Variants in RIMS1 observed in about 807,000 individuals in gnomAD.
RIMS1 encodes the protein regulating synaptic membrane exocytosis protein 1.
In RIMS1, 83 loss-of-function variants were observed where a neutral mutation model predicts 214.1. The ratio of observed to expected loss-of-function variants is 0.39; its 90% CI spans 0.32 to 0.47. RIMS1 has a LOEUF of 0.47. RIMS1 is among the 20% of genes least tolerant of loss of function. RIMS1 has a pLI of 0.99. For missense variants in RIMS1, 2,050 were observed against 2,161.8 expected (o/e 0.95, Z 1.03); for synonymous variants, 793 against 786.8 (o/e 1.01, Z -0.13).
At chr6:72,030,673 T>C (rs1472792977) in intron 2 of RIMS1, among the ~76,000 whole-genome samples, 1 of 152,160 alleles carries the variant, frequency 6.6e-6, no homozygotes, top group Non-Finnish European at 1.5e-5. Flanking sequence ...TATATTCACT[T>C]TTCTAAAATT....
intron 4 of RIMS1, among the ~76,000 whole-genome samples, chr6:72,104,620 C>G (rs1226081096): frequency 1.3e-5 from 2 of 152,092 alleles, no homozygotes; most frequent in Non-Finnish European, 2.9e-5. Context: ...TTGGCCGTAC[C>G]TACCAAGAAT....
At chr6:71,954,884 C>T (rs985014092) in intron 1 of RIMS1, among the ~76,000 whole-genome samples, 2 of 151,608 alleles carry the variant, frequency 1.3e-5, no homozygotes, top group Non-Finnish European at 2.9e-5. Context: ...CACACACACA[C>T]ACACACACAC....
chr6:71,962,132 G>A (rs764502263), intron 1 of RIMS1, among the ~76,000 whole-genome samples: 2 of 152,074 alleles, frequency 1.3e-5, no homozygotes, highest in Non-Finnish European at 2.9e-5. Flanking sequence ...AGATCTAAAG[G>A]ATGATAAATG....
At chr6:72,231,642 A>G (rs2062011370) in intron 6 of RIMS1, among the ~76,000 whole-genome samples, 1 of 151,680 alleles carries the variant, frequency 6.6e-6, no homozygotes, top group South Asian at 2.1e-4. Flanking sequence ...AAGCAATTAA[A>G]TTAGATTCTT....
chr6:72,244,969 C>T (rs1040839627), intron 10 of RIMS1, among the ~76,000 whole-genome samples: 3 of 151,770 alleles, frequency 2.0e-5, no homozygotes, highest in Non-Finnish European at 4.4e-5. Context: ...TTAATATTTG[C>T]ATATTGTTAA....
Position 72,162,571 on chromosome 6 carries a change from A to G in RIMS1, c.472-17004A>G, listed in dbSNP as rs1375043192. 1.1e-4 allele frequency among the ~76,000 whole-genome samples: 16 copies of G among 140,642 alleles called. 1 individual carries two copies. The highest frequency in any genetic ancestry group is 3.0e-4 in the African/African-American group (12 of 40,656). 92.3% of individuals were successfully genotyped at this position (140,642 alleles called of 152,430 possible). On this transcript the variant is annotated intron_variant, in intron 4 of 33. Transcript: ENST00000521978. ...TAGTGCTTCCTTCAGGAGCTCTTGT[A>G]AGGCAGGCCTGGTGGTGACAAAATC... is the stretch of plus-strand genomic sequence containing the variant.
chr6:72,338,123 G>A (rs1415399900), intron 29 of RIMS1, among the ~76,000 whole-genome samples: 2 of 151,646 alleles, frequency 1.3e-5, no homozygotes, highest in African/African-American at 4.8e-5. Context: ...GGATGGCTGG[G>A]TCAAATGGTA....
intron 22 of RIMS1, among the ~76,000 whole-genome samples, chr6:72,271,427 T>G (rs2083328124): frequency 6.6e-6 from 1 of 151,478 alleles, no homozygotes; most frequent in Non-Finnish European, 1.5e-5. Context: ...ATCAGTTATC[T>G]CATTTGTTTT....
At chr6:72,139,321 A>G (rs978589645) in intron 4 of RIMS1, among the ~76,000 whole-genome samples, 1 of 152,116 alleles carries the variant, frequency 6.6e-6, no homozygotes, top group African/African-American at 2.4e-5. Flanking sequence ...AGGTCTTGAC[A>G]TTTTCAGTTT....
chr6:72,342,102 A>C (rs2154357057), intron 29 of RIMS1, among the ~76,000 whole-genome samples: 1 of 151,902 alleles, frequency 6.6e-6, no homozygotes, highest in Non-Finnish European at 1.5e-5. Context: ...CCTTTCCTTC[A>C]AGACCCTGTT....
chr6:72,000,830 A>G (rs765780122), intron 2 of RIMS1, among the ~76,000 whole-genome samples: 3 of 152,112 alleles, frequency 2.0e-5, no homozygotes, highest in Non-Finnish European at 4.4e-5. Context: ...TTTTACAGCT[A>G]TTAACCTTCC....
intron 29 of RIMS1, among the ~76,000 whole-genome samples, chr6:72,361,666 C>G (rs1298151212): frequency 1.3e-5 from 2 of 152,160 alleles, no homozygotes; most frequent in Non-Finnish European, 2.9e-5. Flanking sequence ...CTTCTGGAGG[C>G]TCTAAGAGAG....
chr6:72,093,210 G>GTATGTATATATATATATATATATATATA (rs1836769985), intron 2 of RIMS1, among the ~76,000 whole-genome samples: 1 of 56,496 alleles, frequency 1.8e-5, no homozygotes, highest in Non-Finnish European at 5.3e-5. Context: ...ATGTATGTGA[G>GTATGTATATATATATATATATATATATA]TATATATATA....
intron 22 of RIMS1, 64 bp from the exon 23 acceptor site, chr6:72,274,285 A>G: frequency 1.8e-6 from 2 of 1,130,882 alleles, no homozygotes; most frequent in Admixed American, 1.8e-5. Context: ...TGTTCCATGT[A>G]TTCTTTTATT....
intron 1 of RIMS1, among the ~76,000 whole-genome samples, chr6:71,948,804 C>T (rs1367050864): frequency 1.3e-5 from 2 of 152,108 alleles, no homozygotes; most frequent in African/African-American, 2.4e-5. Flanking sequence ...AAGTGACCTG[C>T]GAACTCCTCT....
At chr6:72,240,175 TCCATACATA>T (rs1409951986) in intron 9 of RIMS1, among the ~76,000 whole-genome samples, 9 of 152,218 alleles carry the variant, frequency 5.9e-5, no homozygotes, top group Non-Finnish European at 8.8e-5. Context: ...TGCTTGATTA[TCCATACATA>T]AATAATGTAA....
intron 22 of RIMS1, among the ~76,000 whole-genome samples, chr6:72,268,197 G>A (rs569655453): frequency 6.6e-6 from 1 of 152,250 alleles, no homozygotes; most frequent in Non-Finnish European, 1.5e-5. Flanking sequence ...TGAAGCAGAA[G>A]ATAACAATAT....
rs146890757 is a variant in RIMS1 at position 71,973,646 on chromosome 6, G to A, written c.245+4583G>A. On this transcript the variant is annotated intron_variant, in intron 2 of 33. Coordinates refer to ENST00000521978, the MANE Select transcript of RIMS1 (RefSeq NM_014989.7). ...CAGGAGAGTTGTCCAGGAGAGCCCT[G>A]GCTAGGAGGAGAGTTAGGTTCAGGT... Among the ~76,000 whole-genome samples, 349 of 152,252 alleles carry A rather than the reference G, an allele frequency of 2.3e-3. 4 individuals are homozygous for A. Among genetic ancestry groups the A allele is most frequent in the South Asian group, 0.011 (53 of 4,814 alleles).
chr6:72,366,227 T>G (rs2098012922), intron 29 of RIMS1, among the ~76,000 whole-genome samples: 1 of 152,164 alleles, frequency 6.6e-6, no homozygotes, highest in Non-Finnish European at 1.5e-5. Flanking sequence ...GTTTAATAAG[T>G]ATATATTGAA....
Sources: allele counts gnomAD v4.1 joint callset (sites outside exome capture counted in the v4.1 genomes callset), GRCh38; gene constraint gnomAD v4.1.1; transcripts MANE v1.5; gene names NCBI Gene and HGNC (gene_info 2026-07-23, HGNC 2026-07-21).